The following PSD3 variants were observed in gnomAD, a reference collection of about 807,000 sequenced individuals.
PSD3 encodes the protein pleckstrin and Sec7 domain containing 3.
In PSD3, 49 loss-of-function variants were observed where a neutral mutation model predicts 105.5. That is an observed-to-expected ratio of 0.46 (90% CI 0.37 to 0.59). PSD3 has a LOEUF of 0.59. Ranked by LOEUF, PSD3 falls within the 20% of genes least tolerant of loss-of-function variation. PSD3 has a pLI of 0.00. For missense variants in PSD3, 1,561 were observed against 1,263.8 expected, an observed-to-expected ratio of 1.24 and a Z score of -3.57; for synonymous variants, 557 against 457.8, an observed-to-expected ratio of 1.22 and a Z score of -2.77.
intron 1 of PSD3, among the ~76,000 whole-genome samples, chr8:19,052,448 G>C (rs1828562796): frequency 6.7e-6 from 1 of 149,272 alleles, no homozygotes; most frequent in South Asian, 2.1e-4. Context: ...CTCCAGCCTG[G>C]TGACAGAGCG....
At chr8:18,653,926 T>A (rs1482233011) in intron 10 of PSD3, among the ~76,000 whole-genome samples, 2 of 152,228 alleles carry the variant, frequency 1.3e-5, no homozygotes, top group African/African-American at 4.8e-5. Context: ...ATTCTGCATA[T>A]GTCAGGATGT....
intron 1 of PSD3, among the ~76,000 whole-genome samples, chr8:19,072,761 G>T (rs762065163): frequency 6.6e-6 from 1 of 152,174 alleles, no homozygotes; most frequent in African/African-American, 2.4e-5. Flanking sequence ...AGGCTCTCCA[G>T]GGTCTGCATA....
chr8:18,966,974 A>T (rs1403137499), intron 1 of PSD3, among the ~76,000 whole-genome samples: 1 of 152,120 alleles, frequency 6.6e-6, no homozygotes, highest in African/African-American at 2.4e-5. Context: ...CAGGGAAAAC[A>T]TGTCCAAAAA....
chr8:19,016,910 G>A (rs77845633), upstream of PSD3, among the ~76,000 whole-genome samples: 14,497 of 152,090 alleles, frequency 0.095, 858 homozygotes, highest in Non-Finnish European at 0.14. Context: ...ATTCATGAGA[G>A]CAGAGCCCTT....
At chr8:19,018,274 G>A (rs1205687279), upstream of PSD3, among the ~76,000 whole-genome samples, 1 of 151,956 alleles carries the variant, frequency 6.6e-6, no homozygotes, top group African/African-American at 2.4e-5. Flanking sequence ...AATTTTGGAA[G>A]ACCTCTCAAG....
At chr8:18,915,148 G>A (rs1329726898) in intron 2 of PSD3, among the ~76,000 whole-genome samples, 1 of 152,114 alleles carries the variant, frequency 6.6e-6, no homozygotes, top group African/African-American at 2.4e-5. Context: ...ACATGCAGAA[G>A]AATGAAATTA....
chr8:18,631,038 T>C (rs564750374), intron 11 of PSD3, among the ~76,000 whole-genome samples: 13 of 151,986 alleles, frequency 8.6e-5, no homozygotes, highest in Non-Finnish European at 1.9e-4. Context: ...TATTTTCGTA[T>C]TTTTCACTTA....
intron 1 of PSD3, among the ~76,000 whole-genome samples, chr8:18,999,536 A>C (rs1198849581): frequency 2.7e-5 from 3 of 112,114 alleles, no homozygotes; most frequent in Non-Finnish European, 5.6e-5. Flanking sequence ...ATATTATGTA[A>C]AACAAACATA....
At chr8:18,759,893 A>T (rs980252118) in intron 9 of PSD3, among the ~76,000 whole-genome samples, 1 of 150,658 alleles carries the variant, frequency 6.6e-6, no homozygotes, top group Non-Finnish European at 1.5e-5. Flanking sequence ...ACCATCACTG[A>T]AAGGCCCTGT....
In PSD3 at chr8:18,607,181, T is replaced by C. The variant is rs188350900; in HGVS notation, c.2411-6747A>G. 1.9e-4 allele frequency among the ~76,000 whole-genome samples: 29 copies of C among 152,276 alleles called. No homozygotes were observed. The East Asian group carries it at 5.6e-3, about 29-fold the overall frequency. On this transcript the variant is annotated intron_variant, in intron 11 of 15. Transcript: ENST00000327040. Reference sequence around the variant, plus strand: ...TACTTTCTCTAATCTCACTCAACTATAGGACCTTCAAAGGCATCCCTGCTC... The same window carrying C: ...TACTTTCTCTAATCTCACTCAACTACAGGACCTTCAAAGGCATCCCTGCTC...
At chr8:18,586,463 G>A (rs889057180) in intron 12 of PSD3, among the ~76,000 whole-genome samples, 4 of 152,298 alleles carry the variant, frequency 2.6e-5, no homozygotes, top group South Asian at 2.1e-4. Flanking sequence ...ACGTAGTTGA[G>A]AAGTCTTGAT....
intron 8 of PSD3, among the ~76,000 whole-genome samples, chr8:18,795,150 C>A (rs532540086): frequency 9.2e-5 from 14 of 152,242 alleles, no homozygotes; most frequent in Admixed American, 7.2e-4. Flanking sequence ...TGATTATATT[C>A]TTCTCCCTAC....
chr8:19,009,226 T>C (rs190518895), intron 1 of PSD3, among the ~76,000 whole-genome samples: 1 of 152,296 alleles, frequency 6.6e-6, no homozygotes. Context: ...CCAACAAATG[T>C]ATAATGGTCG....
At chr8:18,849,223 G>A (rs974568577) in intron 4 of PSD3, 7 of 152,204 alleles carry the variant, frequency 4.6e-5, no homozygotes, top group African/African-American at 1.7e-4. Context: ...CATTGCAAAT[G>A]AAAGGGTCTA....
intron 2 of PSD3, among the ~76,000 whole-genome samples, chr8:18,875,166 G>A (rs572170304): frequency 1.3e-4 from 20 of 152,132 alleles, no homozygotes; most frequent in African/African-American, 4.6e-4. Context: ...TGATCCTCTC[G>A]CCTTGACCTT....
chr8:18,556,696 C>G (rs769201062), intron 14 of PSD3, among the ~76,000 whole-genome samples: 21 of 152,220 alleles, frequency 1.4e-4, no homozygotes, highest in Non-Finnish European at 2.5e-4. Context: ...AAGCAGCTAG[C>G]ATGGAAGCTG....
At chr8:18,655,736 T>G in intron 9 of PSD3, 51 bp from the exon 10 acceptor site, 1 of 1,556,246 alleles carries the variant, frequency 6.4e-7, no homozygotes, top group South Asian at 1.1e-5. Context: ...CTGTTCCACA[T>G]TTTGAATTCA....
At chr8:18,635,964 TG>T (rs1172043335) in intron 10 of PSD3, among the ~76,000 whole-genome samples, 1 of 152,072 alleles carries the variant, frequency 6.6e-6, no homozygotes, top group African/African-American at 2.4e-5. Flanking sequence ...ACCTAGATAA[TG>T]GTTTGATAGG....
At chr8:18,870,188 C>A (rs193024080) in intron 3 of PSD3, among the ~76,000 whole-genome samples, 1 of 151,744 alleles carries the variant, frequency 6.6e-6, no homozygotes, top group Non-Finnish European at 1.5e-5. Context: ...TTCCTTACAC[C>A]GAACAAAAAA....
Sources: allele counts gnomAD v4.1 joint callset (sites outside exome capture counted in the v4.1 genomes callset), GRCh38; gene constraint gnomAD v4.1.1; transcripts MANE v1.5; gene names NCBI Gene and HGNC (gene_info 2026-07-23, HGNC 2026-07-21).